Variants in NTM observed in about 807,000 individuals in gnomAD.
NTM encodes IgLON family member 2.
A neutral mutation model predicts 42.1 loss-of-function variants in NTM; 13 were observed. The ratio of observed to expected loss-of-function variants is 0.31; its 90% CI spans 0.20 to 0.49. The LOEUF is 0.49. Ranked by LOEUF, NTM falls within the 20% of genes least tolerant of loss-of-function variation. The probability of loss-of-function intolerance (pLI) is 0.99; values close to 1 mark genes in which losing one functional copy is unlikely to be tolerated. For synonymous variants in NTM, 187 were observed against 179.2 expected, an observed-to-expected ratio of 1.04 and a Z score of -0.35; for missense variants, 373 against 452.8, an observed-to-expected ratio of 0.82 and a Z score of 1.60.
intron 1 of NTM, among the ~76,000 whole-genome samples, chr11:131,879,889 T>C (rs2049195763): frequency 6.6e-6 from 1 of 152,214 alleles, no homozygotes; most frequent in Admixed American, 6.5e-5. Flanking sequence ...GTTGAAATAA[T>C]TATCTGTTAT....
chr11:131,405,652 C>T (rs1297451379), intron 1 of NTM, among the ~76,000 whole-genome samples: 1 of 152,144 alleles, frequency 6.6e-6, no homozygotes, highest in African/African-American at 2.4e-5. Context: ...TTATCTCATG[C>T]CTCCTACAAT....
intron 2 of NTM, among the ~76,000 whole-genome samples, chr11:132,042,322 A>G (rs1343448297): frequency 1.3e-5 from 2 of 152,198 alleles, no homozygotes; most frequent in Admixed American, 6.5e-5. Flanking sequence ...AGCTATGGCT[A>G]CTGGGACTGG....
chr11:131,830,119 G>A (rs60110936), intron 1 of NTM, among the ~76,000 whole-genome samples: 1 of 152,078 alleles, frequency 6.6e-6, no homozygotes, highest in Non-Finnish European at 1.5e-5. Flanking sequence ...TTTTCTCCCA[G>A]TCTATAGATT....
intron 1 of NTM, among the ~76,000 whole-genome samples, chr11:131,416,516 C>A (rs1350069891): frequency 6.6e-6 from 1 of 152,200 alleles, no homozygotes; most frequent in Non-Finnish European, 1.5e-5. Context: ...CTGATGACTT[C>A]TTATTTTCTA....
chr11:132,046,396 A>T (rs944200267), intron 2 of NTM, among the ~76,000 whole-genome samples: 4 of 152,022 alleles, frequency 2.6e-5, no homozygotes, highest in African/African-American at 9.7e-5. Context: ...GAAAAAAAAA[A>T]ACCCACCCCT....
chr11:132,238,072 T>C (rs1323025680), intron 4 of NTM, among the ~76,000 whole-genome samples: 1 of 152,208 alleles, frequency 6.6e-6, no homozygotes, highest in African/African-American at 2.4e-5. Flanking sequence ...CATTGTTTAA[T>C]GAGGTAAACT....
At chr11:132,193,846 A>G (rs539573782) in intron 3 of NTM, among the ~76,000 whole-genome samples, 1 of 152,188 alleles carries the variant, frequency 6.6e-6, no homozygotes, top group Non-Finnish European at 1.5e-5. Context: ...ACTTCTATGC[A>G]CACAAACTAA....
chr11:132,034,661 A>T (rs992907582), intron 2 of NTM, among the ~76,000 whole-genome samples: 1 of 152,162 alleles, frequency 6.6e-6, no homozygotes, highest in African/African-American at 2.4e-5. Context: ...GAGTTTAGGG[A>T]CAAAGGAACC....
At chr11:131,631,108 A>G (rs1458890357) in intron 1 of NTM, among the ~76,000 whole-genome samples, 1 of 152,174 alleles carries the variant, frequency 6.6e-6, no homozygotes, top group Non-Finnish European at 1.5e-5. Flanking sequence ...GGATTCAGAA[A>G]TACGTGGAAT....
chr11:132,056,549 CAATGAATACATG>C (rs1254283524), intron 2 of NTM, among the ~76,000 whole-genome samples: 1 of 152,108 alleles, frequency 6.6e-6, no homozygotes, highest in African/African-American at 2.4e-5. Context: ...TAGGATGAGG[CAATGAATACATG>C]AATGAATACG....
intron 7 of NTM, among the ~76,000 whole-genome samples, chr11:132,320,494 G>T (rs1475952683): frequency 1.3e-5 from 2 of 152,194 alleles, no homozygotes; most frequent in Non-Finnish European, 2.9e-5. Flanking sequence ...CGCACCATGA[G>T]ATTATATCCC....
At chr11:131,984,524 T>A (rs140062095) in intron 2 of NTM, 1 of 152,276 alleles carries the variant, frequency 6.6e-6, no homozygotes, top group African/African-American at 2.4e-5. Context: ...CACTGGATAG[T>A]TCTTCTTTGT....
chr11:132,217,358 C>CTGTGTGTGTGTGTG (rs375759515), intron 4 of NTM, among the ~76,000 whole-genome samples: 1 of 142,640 alleles, frequency 7.0e-6, no homozygotes, highest in Admixed American at 7.0e-5. Flanking sequence ...CTCTCTCTTT[C>CTGTGTGTGTGTGTG]TGTGTGTGTG....
At chr11:131,997,603 T>C (rs2068314741) in intron 2 of NTM, among the ~76,000 whole-genome samples, 1 of 152,240 alleles carries the variant, frequency 6.6e-6, no homozygotes, top group Non-Finnish European at 1.5e-5. Context: ...TTCTGAACCA[T>C]GTGGAACACT....
chr11:132,184,142 G>C (rs1020988733), intron 3 of NTM, among the ~76,000 whole-genome samples: 1 of 152,166 alleles, frequency 6.6e-6, no homozygotes, highest in African/African-American at 2.4e-5. Flanking sequence ...GTGAGTTTAC[G>C]GGGGTGTCCG....
At chr11:131,957,937 A>G (rs1028445375) in intron 2 of NTM, among the ~76,000 whole-genome samples, 3 of 152,154 alleles carry the variant, frequency 2.0e-5, no homozygotes, top group Admixed American at 2.0e-4. Flanking sequence ...CAGAATGCTT[A>G]AAGATCCTAG....
chr11:132,320,426 G>T (rs1565475058), intron 7 of NTM, among the ~76,000 whole-genome samples: 2 of 152,190 alleles, frequency 1.3e-5, no homozygotes, highest in Non-Finnish European at 2.9e-5. Flanking sequence ...GATGGCACCT[G>T]GAAAATCGGG....
At chr11:132,331,358 T>TAGACACTC (rs1271139846) in intron 8 of NTM, among the ~76,000 whole-genome samples, 3 of 152,206 alleles carry the variant, frequency 2.0e-5, no homozygotes, top group African/African-American at 7.2e-5. Flanking sequence ...TCTATGTAGA[T>TAGACACTC]AGACACTCAG....
chr11:131,957,659 C>T (rs940823649), intron 2 of NTM, among the ~76,000 whole-genome samples: 6 of 152,164 alleles, frequency 3.9e-5, no homozygotes, highest in African/African-American at 1.4e-4. Context: ...ATTTTAATTG[C>T]CATCCCACTA....
Sources: gnomAD v4.1 joint callset for allele counts (sites outside exome capture counted in the v4.1 genomes callset) on GRCh38, gnomAD v4.1.1 for gene constraint, MANE v1.5 for transcripts, NCBI Gene and HGNC (gene_info 2026-07-23, HGNC 2026-07-21) for gene names.